Variants in GUCY1A2 observed in about 807,000 individuals in gnomAD.
GUCY1A2 encodes the protein guanylate cyclase 1 soluble subunit alpha 2, also known as guanylate cyclase soluble subunit alpha-2.
In GUCY1A2, 27 loss-of-function variants were observed where a neutral mutation model predicts 63.5. The observed-to-expected ratio is 0.43, with a 90% CI of 0.31 to 0.59. The LOEUF (loss-of-function observed/expected upper bound fraction) is 0.59, where lower values mean the gene tolerates loss of function less well. Ranked by LOEUF, GUCY1A2 falls within the 20% of genes least tolerant of loss-of-function variation. GUCY1A2 has a pLI of 0.11. For missense variants in GUCY1A2, 768 were observed against 913.3 expected (o/e 0.84, Z 2.05); for synonymous variants, 364 against 343.5 (o/e 1.06, Z -0.66).
chr11:106,946,493 TA>T (rs1461600739), intron 3 of GUCY1A2, among the ~76,000 whole-genome samples: 3 of 151,758 alleles, frequency 2.0e-5, no homozygotes, highest in Non-Finnish European at 2.9e-5. Context: ...AAAAGGTGAT[TA>T]AAAAATAAAA....
chr11:106,975,343 A>G (rs1455601), intron 3 of GUCY1A2, among the ~76,000 whole-genome samples: 8,031 of 152,288 alleles, frequency 0.053, 291 homozygotes, highest in East Asian at 0.13. Context: ...ATGTTGCCTC[A>G]TAGAGCATAA....
intron 4 of GUCY1A2, among the ~76,000 whole-genome samples, chr11:106,848,746 G>A (rs1249563852): frequency 2.6e-4 from 40 of 151,658 alleles, no homozygotes; most frequent in Admixed American, 2.6e-3. Flanking sequence ...GCCTTAGTGG[G>A]AAAAGTGTGC....
chr11:106,858,707 A>C (rs1005094439), intron 4 of GUCY1A2, among the ~76,000 whole-genome samples: 1 of 152,230 alleles, frequency 6.6e-6, no homozygotes, highest in Admixed American at 6.6e-5. Flanking sequence ...TTCCTTTGAC[A>C]ACCTTTGTTG....
At chr11:106,830,259 ATTATG>A (rs759438205) in intron 4 of GUCY1A2, among the ~76,000 whole-genome samples, 9 of 152,148 alleles carry the variant, frequency 5.9e-5, no homozygotes, top group African/African-American at 9.7e-5. Context: ...GGATAGTTGT[ATTATG>A]TTATGTGTAA....
Position 106,709,470 on chromosome 11 carries a change from A to AT in GUCY1A2, c.1837-805dup, listed in dbSNP as rs1297330106. On this transcript the variant is annotated intron_variant, in intron 6 of 7. Coordinates refer to ENST00000526355, the MANE Select transcript of GUCY1A2 (RefSeq NM_000855.3). ...ATATATTCTATATTTATAGAATAAT[A>AT]TATATTATTATATATTTATATATAT... 2.7e-3 allele frequency among the ~76,000 whole-genome samples: 229 copies of AT among 83,296 alleles called. 6 individuals are homozygous for AT. Among genetic ancestry groups the AT allele is most frequent in the Non-Finnish European group, 3.7e-3 (182 of 48,770 alleles). 54.6% of individuals were successfully genotyped at this position (83,296 alleles called of 152,430 possible). A position where few individuals can be genotyped will look rare whatever the true frequency, so the allele number is the denominator to read the frequency against.
intron 4 of GUCY1A2, among the ~76,000 whole-genome samples, chr11:106,902,752 T>C (rs1860151596): frequency 6.6e-6 from 1 of 152,232 alleles, no homozygotes; most frequent in Non-Finnish European, 1.5e-5. Flanking sequence ...GTACAGACTA[T>C]TTCCTTGTCA....
chr11:106,875,391 A>G (rs957848242), intron 4 of GUCY1A2, among the ~76,000 whole-genome samples: 1 of 152,170 alleles, frequency 6.6e-6, no homozygotes, highest in Admixed American at 6.6e-5. Context: ...TAGATGAACA[A>G]CTAAAATCAG....
At chr11:106,818,186 T>C (rs754359440) in intron 4 of GUCY1A2, among the ~76,000 whole-genome samples, 1 of 152,200 alleles carries the variant, frequency 6.6e-6, no homozygotes, top group African/African-American at 2.4e-5. Context: ...TTTGCAGATA[T>C]TGCATTGTTT....
intron 2 of GUCY1A2, among the ~76,000 whole-genome samples, chr11:106,982,380 C>A (rs549190006): frequency 6.6e-6 from 1 of 152,150 alleles, no homozygotes; most frequent in Non-Finnish European, 1.5e-5. Context: ...CCCACACCAC[C>A]CAGAAAGTTA....
chr11:106,677,573 T>C lies in GUCY1A2; in HGVS notation c.*9976A>G, dbSNP rs930869099. 6 of 208,494 alleles carry C rather than the reference T, an allele frequency of 2.9e-5. No individual in the cohort carries two copies. The highest frequency in any genetic ancestry group is 9.1e-5 in the African/African-American group (4 of 43,984). 12.9% of individuals were successfully genotyped at this position (208,494 alleles called of 1,614,324 possible). Reference sequence around the variant, plus strand: ...TTAAATATTCACTCTAATTAGCATATTTATTAAATTTCTTGTTTGTTTTAT... The same window carrying C: ...TTAAATATTCACTCTAATTAGCATACTTATTAAATTTCTTGTTTGTTTTAT... On this transcript the variant is annotated 3_prime_UTR_variant, in exon 8 of 8. Coordinates refer to ENST00000526355, the MANE Select transcript of GUCY1A2 (RefSeq NM_000855.3).
At chr11:106,851,933 TG>T (rs1383918554) in intron 4 of GUCY1A2, among the ~76,000 whole-genome samples, 1 of 151,934 alleles carries the variant, frequency 6.6e-6, no homozygotes, top group Non-Finnish European at 1.5e-5. Context: ...CTGAAAATTT[TG>T]GGGGGTAGTA....
rs1402144441 is a variant in GUCY1A2, at chr11:106,678,407, T to G, written c.*9142A>C. 1 of 211,642 alleles carries G rather than the reference T, an allele frequency of 4.7e-6. No homozygotes were observed. Among genetic ancestry groups the G allele is most frequent in the Non-Finnish European group, 9.6e-6 (1 of 104,444 alleles). 13.1% of individuals were successfully genotyped at this position (211,642 alleles called of 1,614,324 possible). A position where few individuals can be genotyped will look rare whatever the true frequency, so the allele number is the denominator to read the frequency against. The stretch of plus-strand genomic sequence containing the variant: ...GCTTCATTTTATGGAAGTTTTAATT[T>G]AAAAGGCCAAAAAAGGAGACAGCCT... On this transcript the variant is annotated 3_prime_UTR_variant, in exon 8 of 8. Coordinates refer to ENST00000526355, the MANE Select transcript of GUCY1A2 (RefSeq NM_000855.3).
At chr11:106,776,727 C>T in intron 5 of GUCY1A2, 145 bp from the exon 6 acceptor site, 2 of 734,644 alleles carry the variant, frequency 2.7e-6, no homozygotes, top group East Asian at 2.6e-5. Context: ...TTTATAATCA[C>T]AGCAGAGTTT....
intron 4 of GUCY1A2, among the ~76,000 whole-genome samples, chr11:106,855,711 G>C (rs1195377370): frequency 6.6e-6 from 1 of 152,010 alleles, no homozygotes; most frequent in Admixed American, 6.6e-5. Flanking sequence ...GACCATAAAG[G>C]TAAGGGTTTA....
chr11:107,015,532 C>G (rs1221077853), intron 1 of GUCY1A2, among the ~76,000 whole-genome samples: 1 of 109,394 alleles, frequency 9.1e-6, no homozygotes, highest in East Asian at 3.2e-4. Context: ...ATTGACATTA[C>G]TTTTTAGAAA....
chr11:106,908,151 C>T (rs1860238998), intron 4 of GUCY1A2, among the ~76,000 whole-genome samples: 1 of 151,988 alleles, frequency 6.6e-6, no homozygotes, highest in Admixed American at 6.6e-5. Context: ...AGGCAAATGG[C>T]ATTGGGGTCC....
intron 4 of GUCY1A2, among the ~76,000 whole-genome samples, chr11:106,882,431 C>T (rs1196668475): frequency 6.6e-6 from 1 of 151,682 alleles, no homozygotes; most frequent in Non-Finnish European, 1.5e-5. Flanking sequence ...TTAATGGAGT[C>T]AAGATTTATA....
intron 4 of GUCY1A2, among the ~76,000 whole-genome samples, chr11:106,904,702 T>C (rs1860180018): frequency 6.6e-6 from 1 of 151,724 alleles, no homozygotes; most frequent in Non-Finnish European, 1.5e-5. Context: ...TATGAGAAAA[T>C]ACATATTTTA....
chr11:106,924,591 A>C (rs1448466140), intron 4 of GUCY1A2, among the ~76,000 whole-genome samples: 1 of 152,150 alleles, frequency 6.6e-6, no homozygotes, highest in Non-Finnish European at 1.5e-5. Flanking sequence ...TTTGTATTTC[A>C]GTTTCCTCAT....
Sources: allele counts gnomAD v4.1 joint callset (sites outside exome capture counted in the v4.1 genomes callset), GRCh38; gene constraint gnomAD v4.1.1; transcripts MANE v1.5; gene names NCBI Gene and HGNC (gene_info 2026-07-23, HGNC 2026-07-21).